B3GALT1: variants seen among roughly 807,000 people sequenced by gnomAD.
The protein encoded by B3GALT1 is beta-1,3-galactosyltransferase 1.
In B3GALT1, 10 loss-of-function variants were observed where a neutral mutation model predicts 23.2. That is an observed-to-expected ratio of 0.43 (90% confidence interval 0.27 to 0.73). The LOEUF (loss-of-function observed/expected upper bound fraction) is 0.73. Ranked by LOEUF, B3GALT1 falls within the 30% of genes least tolerant of loss-of-function variation. B3GALT1 has a pLI of 0.21. For missense variants in B3GALT1, 299 were observed against 405.4 expected (o/e 0.74, Z 2.25); for synonymous variants, 156 against 141.5 (o/e 1.10, Z -0.73).
intron 3 of B3GALT1, among the ~76,000 whole-genome samples, chr2:167,764,717 GTGCAAATAATGAA>G (rs570233784): frequency 3.0e-4 from 45 of 152,268 alleles, no homozygotes; most frequent in Non-Finnish European, 3.4e-4. Context: ...AAACATAACA[GTGCAAATAATGAA>G]TGCAAATAAG....
At chr2:167,823,794 G>C (rs1341954230) in intron 4 of B3GALT1, among the ~76,000 whole-genome samples, 2 of 152,122 alleles carry the variant, frequency 1.3e-5, no homozygotes, top group Admixed American at 6.5e-5. Flanking sequence ...ATATCACCCA[G>C]GTTCTCTGGT....
At chr2:167,847,135 T>C (rs979068617) in intron 4 of B3GALT1, among the ~76,000 whole-genome samples, 1 of 151,300 alleles carries the variant, frequency 6.6e-6, no homozygotes, top group Non-Finnish European at 1.5e-5. Context: ...AGAAATGAGA[T>C]AGACAGCAAC....
chr2:167,663,517 A>G (rs1200316003), intron 3 of B3GALT1, among the ~76,000 whole-genome samples: 1 of 151,920 alleles, frequency 6.6e-6, no homozygotes, highest in African/African-American at 2.4e-5. Context: ...CTAGTTCTAG[A>G]TCCCTGAGGA....
At chr2:167,428,203 T>C (rs1200137550) in intron 1 of B3GALT1, among the ~76,000 whole-genome samples, 1 of 152,134 alleles carries the variant, frequency 6.6e-6, no homozygotes, top group African/African-American at 2.4e-5. Context: ...AGAAATAAAA[T>C]TAGCACTTTT....
chr2:167,489,620 T>TC (rs1699676607), intron 1 of B3GALT1, among the ~76,000 whole-genome samples: 1 of 152,196 alleles, frequency 6.6e-6, no homozygotes, highest in Non-Finnish European at 1.5e-5. Context: ...ACACACTTTT[T>TC]CACTGGCTCA....
chr2:167,798,080 TGAA>T (rs1330984129), intron 3 of B3GALT1, among the ~76,000 whole-genome samples: 1 of 152,248 alleles, frequency 6.6e-6, no homozygotes, highest in African/African-American at 2.4e-5. Context: ...GTTGGTTGCA[TGAA>T]TGTCTTCTTT....
At chr2:167,318,614 G>A (rs1238642001) in intron 1 of B3GALT1, among the ~76,000 whole-genome samples, 1 of 152,046 alleles carries the variant, frequency 6.6e-6, no homozygotes, top group African/African-American at 2.4e-5. Flanking sequence ...AGTTCATTAA[G>A]ATTTCATAAT....
intron 4 of B3GALT1, among the ~76,000 whole-genome samples, chr2:167,852,253 T>C (rs1478670562): frequency 1.3e-5 from 2 of 152,164 alleles, no homozygotes; most frequent in Admixed American, 6.5e-5. Context: ...TATCACTTCT[T>C]AGAGACACAA....
chr2:167,297,854 G>A (rs746824849), intron 1 of B3GALT1, among the ~76,000 whole-genome samples: 8 of 152,036 alleles, frequency 5.3e-5, no homozygotes, highest in Non-Finnish European at 1.2e-4. Context: ...TTCACAGGTC[G>A]TATGATTACA....
chr2:167,321,960 CAAAGTAG>C (rs1175734631), intron 1 of B3GALT1, among the ~76,000 whole-genome samples: 1 of 151,944 alleles, frequency 6.6e-6, no homozygotes, highest in Non-Finnish European at 1.5e-5. Context: ...CTATCTCTTA[CAAAGTAG>C]AATCTAATTT....
chr2:167,371,487 T>A (rs909592092), intron 1 of B3GALT1, among the ~76,000 whole-genome samples: 1 of 152,182 alleles, frequency 6.6e-6, no homozygotes, highest in East Asian at 1.9e-4. Flanking sequence ...TAAAATGTTC[T>A]TGTGAAGTAC....
chr2:167,681,514 A>C (rs1002627512), intron 3 of B3GALT1, among the ~76,000 whole-genome samples: 1 of 152,142 alleles, frequency 6.6e-6, no homozygotes, highest in Non-Finnish European at 1.5e-5. Flanking sequence ...GTCCTAAATA[A>C]CTGTGTCACT....
chr2:167,507,243 A>G (rs1489380888), intron 2 of B3GALT1, among the ~76,000 whole-genome samples: 4 of 152,132 alleles, frequency 2.6e-5, no homozygotes, highest in Non-Finnish European at 5.9e-5. Context: ...GCAGTGGCTC[A>G]CGCCTGTAAT....
At position 167,714,238 on chromosome 2, in the gene B3GALT1, T is replaced by C. The variant is rs574541702; in HGVS notation, c.-352+67272T>C. 26 of 1,503,474 alleles carry C rather than the reference T, an allele frequency of 1.7e-5. No homozygotes were observed. The East Asian group carries it at 4.3e-4, about 25-fold the overall frequency. The allele number at this position is 1,503,474 out of a possible 1,614,324, so 93.1% of individuals were successfully genotyped here. ...GAGCTGAATCAGGATATGATTGTCC[T>C]GGTGGAGGAAACATCATCCTACGGT... On this transcript the variant is annotated intron_variant, in intron 3 of 4. Transcript: ENST00000392690.
intron 1 of B3GALT1, among the ~76,000 whole-genome samples, chr2:167,361,137 C>A (rs1221553290): frequency 6.6e-6 from 1 of 150,916 alleles, no homozygotes; most frequent in South Asian, 2.1e-4. Context: ...GATTCCATAT[C>A]TTGGCTATTG....
rs71031297 is a variant in B3GALT1, at chr2:167,548,685, A to AGTGTGTGTGTGT, written c.-410+58429_-410+58440dup. On this transcript the variant is annotated intron_variant, in intron 2 of 4. Coordinates refer to ENST00000392690, the MANE Select transcript of B3GALT1 (RefSeq NM_020981.4). ...GATTGCCTGTCCAGACGTGTGTGTG[A>AGTGTGTGTGTGT]GTGTGTGTGTGTGTGTGTGTGTGTG... Among the ~76,000 whole-genome samples, 1,245 of 144,802 alleles carry AGTGTGTGTGTGT rather than the reference A, an allele frequency of 8.6e-3. 12 individuals are homozygous for AGTGTGTGTGTGT. Among genetic ancestry groups the AGTGTGTGTGTGT allele is most frequent in the Middle Eastern group, 0.014 (4 of 290 alleles). 95.0% of individuals were successfully genotyped at this position (144,802 alleles called of 152,430 possible).
chr2:167,764,373 C>T (rs1169745936), intron 3 of B3GALT1, among the ~76,000 whole-genome samples: 2 of 152,130 alleles, frequency 1.3e-5, no homozygotes, highest in East Asian at 3.8e-4. Flanking sequence ...ATATAAGGAT[C>T]TTAGGTGGCA....
chr2:167,559,956 G>A (rs985333198), intron 2 of B3GALT1, among the ~76,000 whole-genome samples: 27 of 152,182 alleles, frequency 1.8e-4, no homozygotes, highest in African/African-American at 5.8e-4. Flanking sequence ...TACAGAGAAT[G>A]CCACAAAGAT....
intron 4 of B3GALT1, among the ~76,000 whole-genome samples, chr2:167,826,064 A>G (rs936917955): frequency 1.3e-5 from 2 of 152,196 alleles, no homozygotes; most frequent in South Asian, 2.1e-4. Context: ...ATTTCCCTCA[A>G]ATGGGCTTTC....
Sources: gnomAD v4.1 joint callset for allele counts (sites outside exome capture counted in the v4.1 genomes callset) on GRCh38, gnomAD v4.1.1 for gene constraint, MANE v1.5 for transcripts, NCBI Gene and HGNC (gene_info 2026-07-23, HGNC 2026-07-21) for gene names.